The following TNNI3K variants were observed in gnomAD, a reference collection of about 807,000 sequenced individuals.
TNNI3K encodes serine/threonine-protein kinase TNNI3K.
A neutral mutation model predicts 114.5 loss-of-function variants in TNNI3K; 140 were observed. The ratio of observed to expected loss-of-function variants is 1.22; its 90% CI spans 1.07 to 1.41. TNNI3K has a LOEUF of 1.41. Ranked by LOEUF, TNNI3K falls within the 40% of genes most tolerant of loss-of-function variation. The pLI, the probability that TNNI3K is intolerant of heterozygous loss-of-function variation, is 0.00. For missense variants in TNNI3K, 1,125 were observed against 1,007.6 expected (o/e 1.12, Z -1.58); for synonymous variants, 347 against 347.5 (o/e 1.00, Z 0.02).
At chr1:74,517,234 G>A (rs562426545) in intron 23 of TNNI3K, among the ~76,000 whole-genome samples, 36 of 152,196 alleles carry the variant, frequency 2.4e-4, no homozygotes, top group Admixed American at 6.5e-5. Flanking sequence ...TTTACAGATG[G>A]GGACAAAAGA....
At chr1:74,375,580 G>T (rs1217200194) in intron 17 of TNNI3K, 4 of 455,106 alleles carry the variant, frequency 8.8e-6, no homozygotes. Flanking sequence ...GTACAGGATG[G>T]CTCAGCTGCT....
At chr1:74,336,605 G>A (rs1209639523) in intron 7 of TNNI3K, among the ~76,000 whole-genome samples, 1 of 150,668 alleles carries the variant, frequency 6.6e-6, no homozygotes, top group Non-Finnish European at 1.5e-5. Context: ...GTGGTGTTTG[G>A]TTTTTTGTTC....
In TNNI3K at chr1:74,369,255, C is replaced by T; in HGVS notation, c.1463C>T (p.Ala488Val). ...GGACGATGCAGAAATAAAATAGTGGCTATAAAACGGTAAGCAAGCAAATGA... is the reference window on the plus strand; with the variant it reads ...GGACGATGCAGAAATAAAATAGTGGTTATAAAACGGTAAGCAAGCAAATGA... ...YKGRCRNKIV[A>V]IKRYRANTYC... Residue 488 changes from alanine (A) to valine (V), a missense_variant, in exon 15 of 25, where the codon GCT becomes GTT. Physicochemically the swap from Ala to Val is moderately conservative, Grantham distance 64. Transcript: ENST00000326637. The T allele has an allele frequency of 6.2e-7, 1 of 1,611,992 alleles. No individual in the cohort carries two copies. The highest frequency in any genetic ancestry group is 8.5e-7 in the Non-Finnish European group (1 of 1,178,994).
intron 17 of TNNI3K, chr1:74,372,032 T>C (rs965512634): frequency 6.7e-6 from 1 of 149,160 alleles, no homozygotes; most frequent in African/African-American, 2.5e-5. Context: ...CCCATGAGCA[T>C]GGACTCAAGT....
chr1:74,439,540 C>T lies in TNNI3K; in HGVS notation c.1929C>T (p.Thr643=). The T allele has an allele frequency of 6.2e-7, 1 of 1,613,490 alleles. No individual in the cohort carries two copies. The highest frequency in any genetic ancestry group is 8.5e-7 in the Non-Finnish European group (1 of 1,179,660). The part of the protein sequence containing the change: ...PEVFTQCTRY[T]IKADVFSYAL... ...TGTTCACGCAGTGCACTCGGTACACCATCAAAGCAGATGTCTTCAGCTATG... is the reference window on the plus strand; with the variant it reads ...TGTTCACGCAGTGCACTCGGTACACTATCAAAGCAGATGTCTTCAGCTATG... The change falls in exon 20 of 25, where the codon ACC becomes ACT. Residue 643 remains threonine, a synonymous_variant. Transcript: ENST00000326637.
chr1:74,407,043 A>G (rs1664649631), intron 17 of TNNI3K, among the ~76,000 whole-genome samples: 1 of 152,176 alleles, frequency 6.6e-6, no homozygotes, highest in Non-Finnish European at 1.5e-5. Context: ...TGTCAATTTG[A>G]GCTATTTTTA....
chr1:74,336,063 T>C lies in TNNI3K; in HGVS notation c.596T>C (p.Val199Ala), dbSNP rs776040636. 2 of 1,600,496 alleles carry C rather than the reference T, an allele frequency of 1.2e-6. No individual in the cohort carries two copies. Among genetic ancestry groups the C allele is most frequent in the Non-Finnish European group, 1.7e-6 (2 of 1,176,310 alleles). ...FGADVNVSGE[V>A]GDRPLHLASA... ...GCTGATGTAAATGTAAGTGGTGAAGTTGGAGATAGACCCCTCCACCTAGCA... is the reference window on the plus strand; with the variant it reads ...GCTGATGTAAATGTAAGTGGTGAAGCTGGAGATAGACCCCTCCACCTAGCA... The change falls in exon 7 of 25, where the codon GTT becomes GCT. Residue 199 changes from valine (V) to alanine (A), a missense_variant. Transcript: ENST00000326637.
At chr1:74,424,656 C>A (rs962964785) in intron 17 of TNNI3K, among the ~76,000 whole-genome samples, 1 of 146,222 alleles carries the variant, frequency 6.8e-6, no homozygotes. Flanking sequence ...GAGGCGGAGG[C>A]TGCAATGAGT....
chr1:74,348,080 T>C (rs1433143943), intron 9 of TNNI3K, among the ~76,000 whole-genome samples: 1 of 152,202 alleles, frequency 6.6e-6, no homozygotes, highest in East Asian at 1.9e-4. Context: ...CCCATGCCTA[T>C]GTCCTGAATG....
intron 6 of TNNI3K, among the ~76,000 whole-genome samples, chr1:74,334,278 CT>C (rs557552962): frequency 9.2e-5 from 14 of 152,296 alleles, no homozygotes; most frequent in African/African-American, 3.4e-4. Context: ...TCACACCCAG[CT>C]AATATTTTCT....
intron 11 of TNNI3K, among the ~76,000 whole-genome samples, chr1:74,362,360 A>G (rs1323931878): frequency 6.6e-6 from 1 of 152,160 alleles, no homozygotes; most frequent in Non-Finnish European, 1.5e-5. Context: ...CATGAGGTCA[A>G]TGAGAATTCC....
At chr1:74,395,404 C>A (rs74093520) in intron 17 of TNNI3K, among the ~76,000 whole-genome samples, 1 of 151,998 alleles carries the variant, frequency 6.6e-6, no homozygotes, top group African/African-American at 2.4e-5. Flanking sequence ...TTTAGGTGGC[C>A]TGCTCTGCCC....
At chr1:74,412,257 T>C (rs190164428) in intron 17 of TNNI3K, among the ~76,000 whole-genome samples, 2 of 152,196 alleles carry the variant, frequency 1.3e-5, no homozygotes, top group Admixed American at 1.3e-4. Context: ...GGTAGATTGT[T>C]ATATTAATCC....
intron 20 of TNNI3K, among the ~76,000 whole-genome samples, chr1:74,441,635 C>T (rs1416019669): frequency 6.6e-6 from 1 of 152,028 alleles, no homozygotes. Context: ...GTTTCACGTC[C>T]TTGCCAGCAC....
At chr1:74,423,656 A>G (rs1260058022) in intron 17 of TNNI3K, among the ~76,000 whole-genome samples, 1 of 152,090 alleles carries the variant, frequency 6.6e-6, no homozygotes, top group Non-Finnish European at 1.5e-5. Context: ...CAGTTGCTTA[A>G]CCTTTCTTTG....
chr1:74,502,576 G>A (rs560802148), intron 23 of TNNI3K, among the ~76,000 whole-genome samples: 2 of 152,148 alleles, frequency 1.3e-5, no homozygotes, highest in Non-Finnish European at 2.9e-5. Context: ...TCAAGTTTGG[G>A]CTTTGAAGAG....
intron 5 of TNNI3K, among the ~76,000 whole-genome samples, chr1:74,327,053 C>G (rs916868133): frequency 2.7e-5 from 4 of 149,606 alleles, no homozygotes; most frequent in African/African-American, 9.9e-5. Context: ...TGCACTTCAG[C>G]CTGGAGACAG....
intron 7 of TNNI3K, among the ~76,000 whole-genome samples, chr1:74,336,749 A>C (rs1033967754): frequency 4.6e-5 from 7 of 150,880 alleles, no homozygotes; most frequent in African/African-American, 1.7e-4. Context: ...CCAGTCTATC[A>C]TTGTTGGACA....
intron 2 of TNNI3K, among the ~76,000 whole-genome samples, chr1:74,247,112 C>T (rs894390073): frequency 4.6e-5 from 7 of 152,282 alleles, no homozygotes; most frequent in Admixed American, 6.5e-5. Flanking sequence ...CGCGGACCCT[C>T]GCAGTGAGTG....
Sources: allele counts gnomAD v4.1 joint callset (sites outside exome capture counted in the v4.1 genomes callset), GRCh38; gene constraint gnomAD v4.1.1; transcripts MANE v1.5; gene names NCBI Gene and HGNC (gene_info 2026-07-23, HGNC 2026-07-21).